PTPRD: variants seen among roughly 807,000 people sequenced by gnomAD.
PTPRD encodes protein tyrosine phosphatase receptor type D.
PTPRD carries 34 observed loss-of-function variants against 214.5 expected under a neutral mutation model. The observed-to-expected ratio is 0.16, with a 90% CI of 0.12 to 0.21. PTPRD has a LOEUF of 0.21. Ranked by LOEUF, PTPRD falls within the 10% of genes least tolerant of loss-of-function variation. The pLI, the probability that PTPRD is intolerant of heterozygous loss-of-function variation, is 1.00. For synonymous variants in PTPRD, 1,128 were observed against 845.7 expected (o/e 1.33, Z -5.79); for missense variants, 2,545 against 2,398.7 (o/e 1.06, Z -1.27).
At chr9:10,340,094 A>G (rs2096911324) in intron 3 of PTPRD, among the ~76,000 whole-genome samples, 1 of 151,878 alleles carries the variant, frequency 6.6e-6, no homozygotes, top group East Asian at 1.9e-4. Flanking sequence ...AATGCTAATT[A>G]CTTGTTCAAT....
intron 11 of PTPRD, among the ~76,000 whole-genome samples, chr9:8,749,824 G>A (rs922685367): frequency 2.0e-5 from 3 of 152,158 alleles, no homozygotes; most frequent in African/African-American, 7.2e-5. Flanking sequence ...AGGTCCGGCT[G>A]GGTGCGGTGG....
chr9:8,524,483 A>G (rs562145688), intron 18 of PTPRD, among the ~76,000 whole-genome samples: 65 of 152,182 alleles, frequency 4.3e-4, no homozygotes, highest in Non-Finnish European at 7.6e-4. Context: ...CAGTTTCAGC[A>G]GCAGGGGTCA....
intron 10 of PTPRD, among the ~76,000 whole-genome samples, chr9:9,088,410 T>G (rs1197856087): frequency 6.6e-6 from 1 of 150,696 alleles, no homozygotes; most frequent in Non-Finnish European, 1.5e-5. Flanking sequence ...TGAAACCCTG[T>G]CTCTACAAAA....
chr9:8,484,080 T>C (rs748466870), intron 30 of PTPRD, 39 bp downstream of exon 30: 3 of 1,590,396 alleles, frequency 1.9e-6, no homozygotes, highest in Middle Eastern at 1.7e-4. Context: ...TATTTACCTA[T>C]AATTCTTTCC....
chr9:8,403,791 C>G (rs909022986), intron 36 of PTPRD, among the ~76,000 whole-genome samples: 3 of 152,124 alleles, frequency 2.0e-5, no homozygotes, highest in Non-Finnish European at 4.4e-5. Context: ...ACCACATTAT[C>G]AACTTTGAAA....
intron 4 of PTPRD, among the ~76,000 whole-genome samples, chr9:9,999,205 C>T (rs560508288): frequency 6.6e-6 from 1 of 152,292 alleles, no homozygotes; most frequent in South Asian, 2.1e-4. Context: ...CGACACTGTT[C>T]TTTTGACAGT....
At chr9:9,133,058 C>A (rs1269907629) in intron 10 of PTPRD, among the ~76,000 whole-genome samples, 2 of 151,996 alleles carry the variant, frequency 1.3e-5, no homozygotes, top group Non-Finnish European at 2.9e-5. Flanking sequence ...AATATTATTT[C>A]TCATCTATTT....
At chr9:9,745,337 C>T (rs1564930405) in intron 6 of PTPRD, among the ~76,000 whole-genome samples, 1 of 152,002 alleles carries the variant, frequency 6.6e-6, no homozygotes, top group Non-Finnish European at 1.5e-5. Flanking sequence ...ATTCTGACTA[C>T]TTTTTTTGTT....
intron 11 of PTPRD, chr9:8,860,441 A>G (rs971002347): frequency 2.6e-5 from 4 of 152,264 alleles, no homozygotes; most frequent in Non-Finnish European, 4.4e-5. Context: ...CCAAACATCA[A>G]ACATCTTAGA....
intron 10 of PTPRD, among the ~76,000 whole-genome samples, chr9:9,052,235 C>T (rs1276047581): frequency 6.6e-6 from 1 of 152,088 alleles, no homozygotes; most frequent in Admixed American, 6.6e-5. Context: ...AGGGTTCTGC[C>T]CTTATTATCT....
At chr9:8,796,313 A>C (rs1003958454) in intron 11 of PTPRD, among the ~76,000 whole-genome samples, 1 of 152,180 alleles carries the variant, frequency 6.6e-6, no homozygotes, top group Admixed American at 6.5e-5. Context: ...AATATATAAA[A>C]CTGAACAGTA....
At chr9:10,337,080 T>TA (rs2096857084) in intron 3 of PTPRD, among the ~76,000 whole-genome samples, 1 of 151,678 alleles carries the variant, frequency 6.6e-6, no homozygotes, top group Admixed American at 6.6e-5. Context: ...ATTTAATTTC[T>TA]AAAAAAACAA....
chr9:9,922,086 G>A (rs1602237292), intron 5 of PTPRD, among the ~76,000 whole-genome samples: 1 of 152,120 alleles, frequency 6.6e-6, no homozygotes, highest in Non-Finnish European at 1.5e-5. Context: ...TATGCCCACA[G>A]TGTGGAGCCC....
At chr9:8,607,943 A>T (rs531600522) in intron 14 of PTPRD, among the ~76,000 whole-genome samples, 31 of 152,308 alleles carry the variant, frequency 2.0e-4, no homozygotes, top group African/African-American at 6.3e-4. Context: ...TTACATGTCA[A>T]ATATAACTCT....
rs185986715 is a variant in PTPRD at position 8,580,565 on chromosome 9, A to G, written c.353-51786T>C. 2.6e-5 allele frequency among the ~76,000 whole-genome samples: 4 copies of G among 152,344 alleles called. No individual in the cohort carries two copies. In the East Asian group the frequency reaches 5.8e-4, roughly 22 times the overall value. On this transcript the variant is annotated intron_variant, in intron 14 of 45. Coordinates refer to ENST00000381196, the MANE Select transcript of PTPRD (RefSeq NM_002839.4). Reference sequence around the variant, plus strand: ...AAAGTACGTGATAGTCTGAACTATCAGGGAAGTCTTTGACAGGTTAATTAA... The same window carrying G: ...AAAGTACGTGATAGTCTGAACTATCGGGGAAGTCTTTGACAGGTTAATTAA...
intron 11 of PTPRD, among the ~76,000 whole-genome samples, chr9:8,867,029 C>G (rs1194101498): frequency 6.6e-6 from 1 of 152,044 alleles, no homozygotes; most frequent in Non-Finnish European, 1.5e-5. Context: ...TATTGAAAGG[C>G]CTCTTTATTT....
chr9:10,594,886 A>AT (rs1170897626), intron 2 of PTPRD, among the ~76,000 whole-genome samples: 6 of 152,020 alleles, frequency 3.9e-5, no homozygotes, highest in Non-Finnish European at 7.4e-5. Context: ...CTACTTAGTT[A>AT]TGGAATCATT....
intron 2 of PTPRD, among the ~76,000 whole-genome samples, chr9:10,420,258 G>A (rs930701325): frequency 1.3e-5 from 2 of 151,842 alleles, no homozygotes; most frequent in Non-Finnish European, 2.9e-5. Flanking sequence ...AGTTTACTCT[G>A]AGAATTTATT....
intron 11 of PTPRD, among the ~76,000 whole-genome samples, chr9:8,786,046 T>TGTGG (rs2095943460): frequency 7.1e-6 from 1 of 141,088 alleles, no homozygotes; most frequent in African/African-American, 2.8e-5. Context: ...TGTGTGTGTG[T>TGTGG]GTGTGTGTGT....
Sources: gnomAD v4.1 joint callset for allele counts (sites outside exome capture counted in the v4.1 genomes callset) on GRCh38, gnomAD v4.1.1 for gene constraint, MANE v1.5 for transcripts, NCBI Gene and HGNC (gene_info 2026-07-23, HGNC 2026-07-21) for gene names.